MCF2L2: variants seen among roughly 807,000 people sequenced by gnomAD.
MCF2L2 encodes MCF.2 cell line derived transforming sequence-like 2, also known as probable guanine nucleotide exchange factor MCF2L2.
In MCF2L2, 102 loss-of-function variants were observed where a neutral mutation model predicts 150.2. That is an observed-to-expected ratio of 0.68 (90% confidence interval 0.58 to 0.80). The LOEUF (loss-of-function observed/expected upper bound fraction) is 0.80, where lower values mean the gene tolerates loss of function less well. Among genes scored for constraint, MCF2L2 ranks in the 30% least tolerant of loss-of-function variants. MCF2L2 has a pLI of 0.00. For missense variants in MCF2L2, 1,256 were observed against 1,372.8 expected (o/e 0.91, Z 1.34); for synonymous variants, 465 against 491.3 (o/e 0.95, Z 0.71).
At chr3:183,358,484 C>A (rs75588187) in intron 3 of MCF2L2, among the ~76,000 whole-genome samples, 1 of 152,006 alleles carries the variant, frequency 6.6e-6, no homozygotes, top group African/African-American at 2.4e-5. Context: ...GATCATGTAT[C>A]GAAAGAGTAG....
chr3:183,300,792 G>A (rs1403630560), intron 10 of MCF2L2, among the ~76,000 whole-genome samples: 3 of 152,054 alleles, frequency 2.0e-5, no homozygotes, highest in South Asian at 2.1e-4. Context: ...CGAGGTGGGC[G>A]GATCACCTGA....
intron 15 of MCF2L2, among the ~76,000 whole-genome samples, chr3:183,260,457 G>A (rs1725479813): frequency 6.6e-6 from 1 of 152,158 alleles, no homozygotes. Flanking sequence ...GCTCAGAAAA[G>A]CGAGTGTTTG....
chr3:183,281,087 ATTAATTAATTATG>A (rs954903773), intron 14 of MCF2L2, among the ~76,000 whole-genome samples: 45 of 146,398 alleles, frequency 3.1e-4, no homozygotes, highest in Middle Eastern at 3.4e-3. Flanking sequence ...TGTAAATTTA[ATTAATTAATTATG>A]TAAATTAATT....
At chr3:183,312,124 T>C (rs1484756842) in intron 7 of MCF2L2, among the ~76,000 whole-genome samples, 1 of 152,248 alleles carries the variant, frequency 6.6e-6, no homozygotes, top group Admixed American at 6.5e-5. Flanking sequence ...AAATGATAGA[T>C]ACTGAATGTT....
chr3:183,303,491 C>T (rs917657311), intron 10 of MCF2L2, among the ~76,000 whole-genome samples: 5 of 152,160 alleles, frequency 3.3e-5, no homozygotes, highest in African/African-American at 9.7e-5. Flanking sequence ...CAAGGAGTCA[C>T]GGTAACTCCA....
chr3:183,331,807 T>G (rs1451335639), intron 5 of MCF2L2, among the ~76,000 whole-genome samples: 2 of 152,138 alleles, frequency 1.3e-5, no homozygotes, highest in African/African-American at 2.4e-5. Flanking sequence ...CAGTGAGTCC[T>G]GATGGAGCCA....
At chr3:183,357,497 C>T (rs915675531) in intron 3 of MCF2L2, among the ~76,000 whole-genome samples, 26 of 152,214 alleles carry the variant, frequency 1.7e-4, no homozygotes, top group African/African-American at 6.3e-4. Context: ...CCTCCCAAAT[C>T]TGAAACTTTT....
At chr3:183,247,679 TAAC>T (rs1724319460) in intron 15 of MCF2L2, among the ~76,000 whole-genome samples, 2 of 152,084 alleles carry the variant, frequency 1.3e-5, no homozygotes, top group African/African-American at 2.4e-5. Context: ...AAATAAATAA[TAAC>T]AATATAACAA....
At chr3:183,286,435 C>T (rs1213239581) in intron 14 of MCF2L2, among the ~76,000 whole-genome samples, 1 of 152,130 alleles carries the variant, frequency 6.6e-6, no homozygotes, top group Non-Finnish European at 1.5e-5. Context: ...CCATCTCTCT[C>T]GGACAGTGGC....
intron 7 of MCF2L2, among the ~76,000 whole-genome samples, chr3:183,312,139 G>T (rs958985070): frequency 4.6e-5 from 7 of 152,126 alleles, no homozygotes; most frequent in African/African-American, 1.7e-4. Context: ...AATGTTGAAC[G>T]CTAGAAACTA....
At chr3:183,207,559 T>G (rs1722538974) in intron 23 of MCF2L2, 49 bp downstream of exon 23, 1 of 1,411,742 alleles carries the variant, frequency 7.1e-7, no homozygotes, top group South Asian at 1.2e-5. Flanking sequence ...AAACGATCTC[T>G]CTCTTTTCTG....
At chr3:183,372,858 A>G (rs1486951938) in intron 3 of MCF2L2, 3 of 152,248 alleles carry the variant, frequency 2.0e-5, no homozygotes, top group Non-Finnish European at 2.9e-5. Flanking sequence ...AAACACAGTG[A>G]TAAATATCCA....
At chr3:183,415,713 T>C (rs1267483608) in intron 1 of MCF2L2, among the ~76,000 whole-genome samples, 1 of 152,220 alleles carries the variant, frequency 6.6e-6, no homozygotes, top group East Asian at 1.9e-4. Flanking sequence ...GTTTGTATCA[T>C]ACATCTTTTC....
chr3:183,250,757 G>A (rs772018089), intron 15 of MCF2L2, among the ~76,000 whole-genome samples: 5 of 152,292 alleles, frequency 3.3e-5, no homozygotes, highest in East Asian at 3.9e-4. Context: ...ATAGGGCATC[G>A]TCTGAATGGT....
At position 183,309,842 on chromosome 3, in the gene MCF2L2, G is replaced by A; in HGVS notation, c.994-7C>T. On this transcript the variant is annotated splice_region_variant and splice_polypyrimidine_tract_variant and intron_variant, in intron 9 of 29. Coordinates refer to ENST00000328913, the MANE Select transcript of MCF2L2 (RefSeq NM_015078.4). ...TATCCAGGGCAAGCTTAGCCTACAAGAAACATTAGAACAGTCCAGAAGTAA... is the reference window on the plus strand; with the variant it reads ...TATCCAGGGCAAGCTTAGCCTACAAAAAACATTAGAACAGTCCAGAAGTAA... 6.2e-7 allele frequency: 1 copy of A among 1,613,308 alleles called. No individual in the cohort carries two copies. Among genetic ancestry groups the A allele is most frequent in the Non-Finnish European group, 8.5e-7 (1 of 1,179,996 alleles).
chr3:183,347,210 T>C (rs1730933477), intron 3 of MCF2L2, among the ~76,000 whole-genome samples: 1 of 152,124 alleles, frequency 6.6e-6, no homozygotes, highest in Admixed American at 6.6e-5. Context: ...AACAAATATA[T>C]AGACCAATGG....
chr3:183,275,710 C>G (rs1032716953), intron 15 of MCF2L2, among the ~76,000 whole-genome samples: 2 of 152,154 alleles, frequency 1.3e-5, no homozygotes, highest in African/African-American at 4.8e-5. Context: ...GCTTCCTGGG[C>G]TCAAGCAATC....
intron 26 of MCF2L2, 147 bp downstream of exon 26, chr3:183,195,075 G>A (rs952611800): frequency 1.1e-4 from 73 of 682,366 alleles, no homozygotes; most frequent in South Asian, 5.8e-4. Context: ...GAGCCACTGC[G>A]CCCAGCCAAT....
At chr3:183,377,177 T>C (rs1201514260) in intron 3 of MCF2L2, 2 of 152,226 alleles carry the variant, frequency 1.3e-5, no homozygotes, top group African/African-American at 4.8e-5. Context: ...TTTGTCCTAA[T>C]GCTCTCCTTC....
Sources: gnomAD v4.1 joint callset for allele counts (sites outside exome capture counted in the v4.1 genomes callset) on GRCh38, gnomAD v4.1.1 for gene constraint, MANE v1.5 for transcripts, NCBI Gene and HGNC (gene_info 2026-07-23, HGNC 2026-07-21) for gene names.